Variants in ARL15 observed in about 807,000 individuals in gnomAD.
ARL15 encodes the protein ADP-ribosylation factor-like protein 15.
A neutral mutation model predicts 25.2 loss-of-function variants in ARL15; 19 were observed. The observed-to-expected ratio is 0.75, with a 90% confidence interval of 0.53 to 1.10. The LOEUF (loss-of-function observed/expected upper bound fraction) is 1.10. Ranked by LOEUF, ARL15 falls within the 50% of genes least tolerant of loss-of-function variation. The pLI is 0.00. For synonymous variants in ARL15, 94 were observed against 86.8 expected (o/e 1.08, Z -0.46); for missense variants, 220 against 246.0 (o/e 0.89, Z 0.71).
intron 1 of ARL15, among the ~76,000 whole-genome samples, chr5:54,279,466 A>G (rs141529130): frequency 6.6e-6 from 1 of 152,208 alleles, no homozygotes; most frequent in East Asian, 1.9e-4. Flanking sequence ...GAGAGAGAGA[A>G]AGCAAGCCCT....
intron 4 of ARL15, 127 bp downstream of exon 4, chr5:54,113,075 A>C: frequency 1.1e-6 from 1 of 911,380 alleles, no homozygotes; most frequent in Non-Finnish European, 1.6e-6. Context: ...TCCTATGAAA[A>C]CTAAGGTTTC....
chr5:54,064,722 C>T (rs1751165117), intron 4 of ARL15, among the ~76,000 whole-genome samples: 1 of 112,540 alleles, frequency 8.9e-6, no homozygotes. Context: ...CACTAAAAAT[C>T]TAGTGAGTAA....
At chr5:54,004,535 G>A (rs1748954603) in intron 4 of ARL15, among the ~76,000 whole-genome samples, 1 of 151,856 alleles carries the variant, frequency 6.6e-6, no homozygotes, top group Non-Finnish European at 1.5e-5. Context: ...TATAGATGAG[G>A]AAGCTGTAGA....
chr5:54,190,060 T>C (rs1336862273), intron 1 of ARL15, among the ~76,000 whole-genome samples: 2 of 152,120 alleles, frequency 1.3e-5, no homozygotes, highest in African/African-American at 4.8e-5. Context: ...CATGAAAAGA[T>C]GCTCAATATC....
intron 4 of ARL15, among the ~76,000 whole-genome samples, chr5:54,014,677 T>C (rs1460392966): frequency 6.6e-6 from 1 of 151,890 alleles, no homozygotes; most frequent in East Asian, 1.9e-4. Flanking sequence ...CACGTCACCA[T>C]ACCTGGCTAG....
At chr5:54,093,166 A>AATCACTG (rs1348484023) in intron 4 of ARL15, among the ~76,000 whole-genome samples, 1 of 152,224 alleles carries the variant, frequency 6.6e-6, no homozygotes, top group East Asian at 1.9e-4. Context: ...AATTCTTGGT[A>AATCACTG]ATCACTGAGA....
At chr5:53,916,773 C>T (rs1399300052) in intron 4 of ARL15, among the ~76,000 whole-genome samples, 2 of 152,098 alleles carry the variant, frequency 1.3e-5, no homozygotes, top group Admixed American at 6.6e-5. Flanking sequence ...ATTAACAACA[C>T]AAGAAGGCCC....
At chr5:54,139,592 T>C (rs1753712684) in intron 3 of ARL15, among the ~76,000 whole-genome samples, 2 of 152,170 alleles carry the variant, frequency 1.3e-5, no homozygotes, top group African/African-American at 4.8e-5. Context: ...ATGGGTGTAC[T>C]AAAATCTCAG....
intron 4 of ARL15, among the ~76,000 whole-genome samples, chr5:54,035,059 G>A (rs1254499126): frequency 6.6e-6 from 1 of 151,906 alleles, no homozygotes; most frequent in Non-Finnish European, 1.5e-5. Flanking sequence ...ACTTCTGGCT[G>A]AGAACATAGG....
In ARL15 at chr5:54,263,137, G is replaced by GA. The variant is rs111580658; in HGVS notation, c.48+47294_48+47295insT. Among the ~76,000 whole-genome samples, 990 of 149,614 alleles carry GA rather than the reference G, an allele frequency of 6.6e-3. 11 individuals are homozygous for GA. Among genetic ancestry groups the GA allele is most frequent in the African/African-American group, 0.023 (949 of 40,880 alleles). The stretch of plus-strand genomic sequence containing the variant: ...TTTTTCTTTATGGCACAATATTTTA[G>GA]TTTTTTTTTTAAAGTATAATCACAG... On this transcript the variant is annotated intron_variant, in intron 1 of 4. Coordinates refer to ENST00000504924, the MANE Select transcript of ARL15 (RefSeq NM_019087.3).
At chr5:53,995,766 A>T (rs1392447601) in intron 4 of ARL15, among the ~76,000 whole-genome samples, 8 of 152,154 alleles carry the variant, frequency 5.3e-5, no homozygotes, top group Non-Finnish European at 1.2e-4. Context: ...GCCCCTGCCC[A>T]CAAAATGCTA....
chr5:54,046,886 G>C (rs574406114), intron 4 of ARL15, among the ~76,000 whole-genome samples: 144 of 152,270 alleles, frequency 9.5e-4, no homozygotes, highest in African/African-American at 3.4e-3. Context: ...GGTACGGCAG[G>C]CCAGGGCCTT....
chr5:53,973,514 C>G (rs1386450988), intron 4 of ARL15, among the ~76,000 whole-genome samples: 1 of 146,230 alleles, frequency 6.8e-6, no homozygotes, highest in Non-Finnish European at 1.5e-5. Context: ...GCAGAGGTTG[C>G]AGTGAGCCAA....
At chr5:54,024,279 T>C (rs255754) in intron 4 of ARL15, among the ~76,000 whole-genome samples, 99,912 of 152,064 alleles carry the variant, frequency 0.66, 33,064 homozygotes, top group East Asian at 0.84. Flanking sequence ...TTCTCAGCTA[T>C]CTTTGTAACT....
At chr5:54,104,228 T>A (rs1752523570) in intron 4 of ARL15, among the ~76,000 whole-genome samples, 1 of 152,188 alleles carries the variant, frequency 6.6e-6, no homozygotes, top group Admixed American at 6.6e-5. Context: ...TGCCTTTAGG[T>A]TGTCAATTGT....
At chr5:54,203,242 A>G (rs1755771846) in intron 1 of ARL15, among the ~76,000 whole-genome samples, 1 of 152,164 alleles carries the variant, frequency 6.6e-6, no homozygotes, top group Non-Finnish European at 1.5e-5. Context: ...CGGCTTTAAT[A>G]CCAACAGAAA....
At chr5:53,988,252 A>T (rs778799372) in intron 4 of ARL15, among the ~76,000 whole-genome samples, 15 of 150,910 alleles carry the variant, frequency 9.9e-5, no homozygotes, top group Non-Finnish European at 2.1e-4. Context: ...GTGAACCATG[A>T]TTGTGCCACT....
chr5:54,086,780 G>A lies in ARL15; in HGVS notation c.462+26422C>T, dbSNP rs560150363. Among the ~76,000 whole-genome samples, 19 of 152,180 alleles carry A rather than the reference G, an allele frequency of 1.2e-4. 1 individual carries two copies. The South Asian group carries it at 3.7e-3, about 30-fold the overall frequency. Reference sequence around the variant, plus strand: ...CCTAATGATACGTACAATGAATTTGGCCTTCATTTTTCTAGGCTCTGGGTT... The same window carrying A: ...CCTAATGATACGTACAATGAATTTGACCTTCATTTTTCTAGGCTCTGGGTT... On this transcript the variant is annotated intron_variant, in intron 4 of 4. Coordinates refer to ENST00000504924, the MANE Select transcript of ARL15 (RefSeq NM_019087.3).
At position 53,923,749 on chromosome 5, in the gene ARL15, C is replaced by CA. The variant is rs369845622; in HGVS notation, c.463-37037dup. On this transcript the variant is annotated intron_variant, in intron 4 of 4. Transcript: ENST00000504924. Reference sequence around the variant, plus strand: ...GCGTGGTGGCGGGCGCCCGTAGTCCCAGCTACTCGGGAGGCTGAGGCAGGA... The same window carrying CA: ...GCGTGGTGGCGGGCGCCCGTAGTCCCAAGCTACTCGGGAGGCTGAGGCAGGA... Among the ~76,000 whole-genome samples, 147 of 152,248 alleles carry CA rather than the reference C, an allele frequency of 9.7e-4. 3 individuals are homozygous for CA. Among genetic ancestry groups the CA allele is most frequent in the African/African-American group, 3.3e-3 (135 of 41,536 alleles).
Sources: allele counts gnomAD v4.1 joint callset (sites outside exome capture counted in the v4.1 genomes callset), GRCh38; gene constraint gnomAD v4.1.1; transcripts MANE v1.5; gene names NCBI Gene and HGNC (gene_info 2026-07-23, HGNC 2026-07-21).